RPSA2: variants seen among roughly 807,000 people sequenced by gnomAD.
RPSA2 encodes the protein ribosomal protein SA 2.
chr19:23,817,129 C>T, the RPSA2 span, among the ~76,000 whole-genome samples: 2 of 152,150 alleles, frequency 1.3e-5, no homozygotes, highest in Non-Finnish European at 2.9e-5. Context: ...CGCCTGTAAT[C>T]CCAACACTTT....
the RPSA2 span, chr19:23,833,001 G>A: frequency 2.8e-6 from 4 of 1,425,094 alleles, no homozygotes; most frequent in Admixed American, 6.6e-5. Context: ...AAGCCTTTAG[G>A]CAGTCTTCAA....
the RPSA2 span, chr19:23,808,871 A>G: frequency 2.1e-6 from 1 of 465,476 alleles, no homozygotes; most frequent in Admixed American, 3.0e-5. Context: ...TCAAGAAGAA[A>G]GCAAGTCTTT....
the RPSA2 span, among the ~76,000 whole-genome samples, chr19:23,807,620 T>C: frequency 1.0e-4 from 15 of 145,994 alleles, no homozygotes; most frequent in Non-Finnish European, 9.0e-5. Context: ...TACACTGATG[T>C]TGTGGATATT....
At chr19:23,811,550 A>C in the RPSA2 span, among the ~76,000 whole-genome samples, 1 of 152,018 alleles carries the variant, frequency 6.6e-6, no homozygotes, top group African/African-American at 2.4e-5. Context: ...GTCACTCTCC[A>C]TATAAATTTT....
chr19:23,787,324 T>C, the RPSA2 span, among the ~76,000 whole-genome samples: 148,865 of 152,196 alleles, frequency 0.98, 72,897 homozygotes, highest in Middle Eastern at 1. Context: ...TCTTTGTGGC[T>C]GGGTGTGGTG....
chr19:23,820,960 C>A, the RPSA2 span, among the ~76,000 whole-genome samples: 4 of 152,252 alleles, frequency 2.6e-5, no homozygotes, highest in African/African-American at 9.6e-5. Context: ...TCTGTAAGAT[C>A]TCTCCAGCTT....
At chr19:23,850,254 G>A in the RPSA2 span, among the ~76,000 whole-genome samples, 2 of 148,328 alleles carry the variant, frequency 1.3e-5, no homozygotes, top group Non-Finnish European at 3.0e-5. Flanking sequence ...AGTATGTGTA[G>A]CAGGTAAGTC....
At chr19:23,839,341 G>A in the RPSA2 span, among the ~76,000 whole-genome samples, 29 of 152,120 alleles carry the variant, frequency 1.9e-4, no homozygotes, top group African/African-American at 5.8e-4. Flanking sequence ...ATTGAGGCGC[G>A]TTATGATTGT....
chr19:23,838,989 T>C, the RPSA2 span, among the ~76,000 whole-genome samples: 1 of 152,162 alleles, frequency 6.6e-6, no homozygotes, highest in African/African-American at 2.4e-5. Flanking sequence ...CTTTTTTTTC[T>C]GCTGGGTTTG....
chr19:23,830,909 T>A, the RPSA2 span, among the ~76,000 whole-genome samples: 5 of 152,210 alleles, frequency 3.3e-5, no homozygotes, highest in Non-Finnish European at 5.9e-5. Flanking sequence ...TGTTCTGTCC[T>A]GGCATAGTCT....
At chr19:23,807,982 G>A in the RPSA2 span, 1 of 243,030 alleles carries the variant, frequency 4.1e-6, no homozygotes, top group Non-Finnish European at 8.9e-6. Context: ...TAAACTAAAG[G>A]TTTCATTTCT....
chr19:23,833,313 A>G, the RPSA2 span: 1 of 570,452 alleles, frequency 1.8e-6, no homozygotes, highest in East Asian at 1.0e-4. Context: ...AAGTGTGAAT[A>G]ATGTGTCAAA....
the RPSA2 span, among the ~76,000 whole-genome samples, chr19:23,772,169 A>T: frequency 6.6e-6 from 1 of 152,228 alleles, no homozygotes; most frequent in Non-Finnish European, 1.5e-5. Context: ...TGCCCTGCAC[A>T]GGAAAGATTG....
the RPSA2 span, among the ~76,000 whole-genome samples, chr19:23,836,682 T>G: frequency 6.6e-6 from 1 of 152,210 alleles, no homozygotes; most frequent in African/African-American, 2.4e-5. Flanking sequence ...ACATCTACAG[T>G]TTTTTGATCT....
the RPSA2 span, among the ~76,000 whole-genome samples, chr19:23,859,337 A>G: frequency 6.6e-6 from 1 of 152,168 alleles, no homozygotes; most frequent in African/African-American, 2.4e-5. Context: ...ATTTAAAAAA[A>G]TATTTCCCAG....
the RPSA2 span, among the ~76,000 whole-genome samples, chr19:23,830,290 A>T: frequency 6.6e-6 from 1 of 152,140 alleles, no homozygotes; most frequent in African/African-American, 2.4e-5. Flanking sequence ...TATTACAGGC[A>T]TGTGCCACCA....
At chr19:23,821,763 C>T in the RPSA2 span, among the ~76,000 whole-genome samples, 1 of 152,204 alleles carries the variant, frequency 6.6e-6, no homozygotes, top group Non-Finnish European at 1.5e-5. Flanking sequence ...CCTCAGCCAT[C>T]TCTTGGCTCG....
chr19:23,760,755 C>T, the RPSA2 span, among the ~76,000 whole-genome samples: 1 of 150,418 alleles, frequency 6.6e-6, no homozygotes, highest in Non-Finnish European at 1.5e-5. Flanking sequence ...ACCTCTGCCT[C>T]CCAGGTTCAA....
chr19:23,870,669 G>GTCATATATA, the RPSA2 span, among the ~76,000 whole-genome samples: 1 of 152,090 alleles, frequency 6.6e-6, no homozygotes, highest in African/African-American at 2.4e-5. Context: ...TATAGTTCTG[G>GTCATATATA]GAATAATGTT....
Sources: gnomAD v4.1 joint callset for allele counts (sites outside exome capture counted in the v4.1 genomes callset) on GRCh38, gnomAD v4.1.1 for gene constraint, MANE v1.5 for transcripts, NCBI Gene and HGNC (gene_info 2026-07-23, HGNC 2026-07-21) for gene names.